Variants in CAAP1 observed in about 807,000 individuals in gnomAD.
CAAP1 encodes the protein caspase activity and apoptosis inhibitor 1, also known as conserved anti-apoptotic protein.
Under a neutral mutation model 34.0 loss-of-function variants are expected in CAAP1, and 20 were observed. The observed-to-expected ratio is 0.59, with a 90% confidence interval of 0.41 to 0.86. CAAP1 has a LOEUF of 0.86. Among genes scored for constraint, CAAP1 ranks in the 40% least tolerant of loss-of-function variants. CAAP1 has a pLI of 0.00. For missense variants in CAAP1, 538 were observed against 450.5 expected, an observed-to-expected ratio of 1.19 and a Z score of -1.76; for synonymous variants, 213 against 166.7, an observed-to-expected ratio of 1.28 and a Z score of -2.14.
chr9:26,886,901 T>G (rs1191095046), intron 2 of CAAP1, among the ~76,000 whole-genome samples: 1 of 152,200 alleles, frequency 6.6e-6, no homozygotes, highest in African/African-American at 2.4e-5. Flanking sequence ...TAGCTTATTT[T>G]AGATGTAAAC....
At chr9:26,881,332 T>C (rs1823588680) in intron 4 of CAAP1, among the ~76,000 whole-genome samples, 1 of 152,242 alleles carries the variant, frequency 6.6e-6, no homozygotes, top group Non-Finnish European at 1.5e-5. Flanking sequence ...CCATTTGATA[T>C]ACTTTTGCTG....
chr9:26,853,578 G>C (rs960822332), intron 5 of CAAP1, among the ~76,000 whole-genome samples: 4 of 152,204 alleles, frequency 2.6e-5, no homozygotes, highest in African/African-American at 9.7e-5. Flanking sequence ...CCAGTGTCAA[G>C]AAAGAGAAAA....
intron 5 of CAAP1, among the ~76,000 whole-genome samples, chr9:26,859,414 G>A (rs1822953169): frequency 6.6e-6 from 1 of 152,148 alleles, no homozygotes; most frequent in African/African-American, 2.4e-5. Context: ...TGGCTAATTT[G>A]TGGTCTCCAT....
intron 4 of CAAP1, among the ~76,000 whole-genome samples, chr9:26,882,831 C>T (rs1194017551): frequency 1.3e-5 from 2 of 152,180 alleles, no homozygotes; most frequent in Non-Finnish European, 2.9e-5. Context: ...CTACCATTTG[C>T]ATCAGTGTGA....
chr9:26,883,196 G>A (rs536528551), intron 4 of CAAP1, among the ~76,000 whole-genome samples: 2 of 152,280 alleles, frequency 1.3e-5, no homozygotes, highest in East Asian at 3.9e-4. Flanking sequence ...GGCCGGGGCA[G>A]AATGATACGG....
At chr9:26,884,227 A>C (rs753012346) in intron 4 of CAAP1, among the ~76,000 whole-genome samples, 4 of 152,176 alleles carry the variant, frequency 2.6e-5, no homozygotes, top group Non-Finnish European at 5.9e-5. Flanking sequence ...AAAAGGTGAA[A>C]CTTTGAAGTG....
At chr9:26,846,438 A>AAAAAAAAAAG (rs1554649509) in intron 5 of CAAP1, among the ~76,000 whole-genome samples, 1 of 140,118 alleles carries the variant, frequency 7.1e-6, no homozygotes, top group African/African-American at 2.9e-5. Context: ...AAAAAAAAAA[A>AAAAAAAAAAG]AGAAGAAGAA....
At chr9:26,860,515 G>A (rs1382559056) in intron 5 of CAAP1, among the ~76,000 whole-genome samples, 4 of 152,108 alleles carry the variant, frequency 2.6e-5, no homozygotes, top group African/African-American at 7.2e-5. Flanking sequence ...AAAATAGGCC[G>A]GGCGTGGTGG....
intron 4 of CAAP1, among the ~76,000 whole-genome samples, chr9:26,871,307 G>A (rs1823269430): frequency 6.6e-6 from 1 of 152,212 alleles, no homozygotes; most frequent in East Asian, 1.9e-4. Flanking sequence ...ACCAGGCGCA[G>A]TGGCTCATGC....
intron 4 of CAAP1, among the ~76,000 whole-genome samples, chr9:26,873,361 G>A (rs969809305): frequency 2.6e-5 from 4 of 152,274 alleles, no homozygotes; most frequent in East Asian, 1.9e-4. Flanking sequence ...GTAGGAAAAT[G>A]CAGCACCATT....
At chr9:26,873,670 G>C (rs1404476527) in intron 4 of CAAP1, among the ~76,000 whole-genome samples, 1 of 152,072 alleles carries the variant, frequency 6.6e-6, no homozygotes, top group Non-Finnish European at 1.5e-5. Flanking sequence ...TCCGATCAAA[G>C]ACAACACTCT....
chr9:26,842,468 C>T lies in CAAP1; in HGVS notation c.919G>A (p.Gly307Arg), dbSNP rs1296780476. The T allele has an allele frequency of 3.1e-6, 5 of 1,614,020 alleles. No homozygotes were observed. Among genetic ancestry groups the T allele is most frequent in the Non-Finnish European group, 4.2e-6 (5 of 1,180,042 alleles). ...DIEKSVNEIL[G>R]LAESSPNEPK... is the part of the protein sequence containing the mutation. ...TCGTTTGGGCTAGACTCTGCCAGTC[C>T]TAGAATCTCATTCACACTTTTCTCA... is the stretch of plus-strand genomic sequence containing the variant. Residue 307 changes from glycine (G) to arginine (R), a missense_variant, in exon 6 of 6, where the codon GGA becomes AGA. Coordinates refer to ENST00000333916, the MANE Select transcript of CAAP1 (RefSeq NM_024828.4).
intron 5 of CAAP1, among the ~76,000 whole-genome samples, chr9:26,849,893 C>T (rs1376668521): frequency 6.6e-6 from 1 of 150,996 alleles, no homozygotes; most frequent in African/African-American, 2.4e-5. Flanking sequence ...GGCTGGAGTG[C>T]AGTGGCATGA....
intron 1 of CAAP1, among the ~76,000 whole-genome samples, chr9:26,891,130 G>C (rs1823894464): frequency 6.6e-6 from 1 of 152,140 alleles, no homozygotes; most frequent in Non-Finnish European, 1.5e-5. Flanking sequence ...CATCTCAACA[G>C]AATGCCAGAA....
intron 5 of CAAP1, among the ~76,000 whole-genome samples, chr9:26,843,177 A>C (rs1463524607): frequency 1.3e-5 from 2 of 152,208 alleles, no homozygotes; most frequent in Non-Finnish European, 1.5e-5. Context: ...GTTCCAAATC[A>C]ATAAATTAAA....
At chr9:26,855,347 T>A (rs961882673) in intron 5 of CAAP1, among the ~76,000 whole-genome samples, 2 of 151,946 alleles carry the variant, frequency 1.3e-5, no homozygotes, top group East Asian at 3.9e-4. Context: ...GCAGGATAAA[T>A]AGGTAGAACA....
Position 26,883,520 on chromosome 9 carries a change from C to T in CAAP1, c.665+1290G>A, listed in dbSNP as rs901416284. Among the ~76,000 whole-genome samples, 67 of 152,106 alleles carry T rather than the reference C, an allele frequency of 4.4e-4. 2 individuals are homozygous for T. The highest frequency in any genetic ancestry group is 1.6e-3 in the African/African-American group (65 of 41,406). On this transcript the variant is annotated intron_variant, in intron 4 of 5. Coordinates refer to ENST00000333916, the MANE Select transcript of CAAP1 (RefSeq NM_024828.4). Reference sequence around the variant, plus strand: ...AACAGACTAATACATCATTAAATGGCTTCTAACAGTTGAAAAGGTAACACT... The same window carrying T: ...AACAGACTAATACATCATTAAATGGTTTCTAACAGTTGAAAAGGTAACACT...
intron 4 of CAAP1, among the ~76,000 whole-genome samples, chr9:26,875,801 G>T (rs1192219333): frequency 6.6e-6 from 1 of 152,024 alleles, no homozygotes; most frequent in Non-Finnish European, 1.5e-5. Flanking sequence ...TTTTTTTCAA[G>T]CAACTAAGAA....
chr9:26,883,705 G>A lies in CAAP1; in HGVS notation c.665+1105C>T, dbSNP rs375784770. 2.7e-4 allele frequency among the ~76,000 whole-genome samples: 41 copies of A among 152,282 alleles called. No homozygotes were observed. The East Asian group carries it at 5.0e-3, about 19-fold the overall frequency. On this transcript the variant is annotated intron_variant, in intron 4 of 5. Coordinates refer to ENST00000333916, the MANE Select transcript of CAAP1 (RefSeq NM_024828.4). ...ATCAAGAAACAAAATGTTGATCAAC[G>A]TGGGGAATGGGGCAAAGAAATTTTT...
Sources: allele counts gnomAD v4.1 joint callset (sites outside exome capture counted in the v4.1 genomes callset), GRCh38; gene constraint gnomAD v4.1.1; transcripts MANE v1.5; gene names NCBI Gene and HGNC (gene_info 2026-07-23, HGNC 2026-07-21).